Variants in GAREM1 observed in about 807,000 individuals in gnomAD.
GAREM1 encodes GRB2 associated regulator of MAPK1 subtype 1.
In GAREM1, 26 loss-of-function variants were observed where a neutral mutation model predicts 71.3. That is an observed-to-expected ratio of 0.36 (90% CI 0.27 to 0.51). The LOEUF is 0.51. Among genes scored for constraint, GAREM1 ranks in the 20% least tolerant of loss-of-function variants. GAREM1 has a pLI of 0.95. For missense variants in GAREM1, 1,026 were observed against 1,103.1 expected (o/e 0.93, Z 0.99); for synonymous variants, 440 against 433.2 (o/e 1.02, Z -0.20).
At chr18:32,372,082 C>T (rs1458859) in intron 2 of GAREM1, among the ~76,000 whole-genome samples, 152,335 of 152,342 alleles carry the variant, frequency 1, 76,164 homozygotes, top group Non-Finnish European at 1. Context: ...AAAGGTGGAT[C>T]GGATTGCTTT....
intron 2 of GAREM1, among the ~76,000 whole-genome samples, chr18:32,388,036 A>G (rs2048164849): frequency 6.6e-6 from 1 of 152,062 alleles, no homozygotes; most frequent in East Asian, 1.9e-4. Context: ...ACCAAAGGAG[A>G]ATACTGATTG....
intron 1 of GAREM1, among the ~76,000 whole-genome samples, chr18:32,399,129 G>A (rs2048286630): frequency 6.6e-6 from 1 of 152,152 alleles, no homozygotes; most frequent in Non-Finnish European, 1.5e-5. Context: ...AGCCCTTCAT[G>A]CTAAAAACTC....
intron 4 of GAREM1, among the ~76,000 whole-genome samples, chr18:32,275,204 C>T (rs75562717): frequency 0.024 from 3,608 of 152,228 alleles, 62 homozygotes; most frequent in African/African-American, 0.026. Flanking sequence ...AACTAGGAAG[C>T]GCTGTGGCTT....
At chr18:32,310,063 T>A (rs1251070670) in intron 3 of GAREM1, 130 bp downstream of exon 3, 5 of 904,366 alleles carry the variant, frequency 5.5e-6, no homozygotes, top group Non-Finnish European at 6.7e-6. Flanking sequence ...TGGTTTTGGC[T>A]ACTGCCACTA....
intron 3 of GAREM1, among the ~76,000 whole-genome samples, chr18:32,291,437 A>G (rs2047085520): frequency 6.6e-6 from 1 of 152,208 alleles, no homozygotes; most frequent in Middle Eastern, 3.4e-3. Flanking sequence ...ACCTTGCCAC[A>G]GAGTTTTGAC....
intron 1 of GAREM1, among the ~76,000 whole-genome samples, chr18:32,407,208 A>T (rs2048373642): frequency 6.6e-6 from 1 of 152,198 alleles, no homozygotes; most frequent in South Asian, 2.1e-4. Flanking sequence ...TGGAAAAACA[A>T]CCACAATAGA....
Position 32,393,022 on chromosome 18 carries a change from T to C in GAREM1, c.135A>G (p.Glu45=), listed in dbSNP as rs553684099. The C allele has an allele frequency of 6.6e-5, 107 of 1,613,566 alleles. No homozygotes were observed. The South Asian group carries it at 1.1e-3, about 17-fold the overall frequency. The part of the protein sequence containing the change: ...IARLDNGECV[E]GLRENDYLLI... ...GCAGATAGTCATTTTCCCGCAGCCC[T>C]TCTACGCACTCTCCTAGGAAATACA... Residue 45 remains glutamate (E), a synonymous_variant, in exon 2 of 6, where the codon GAA becomes GAG. Transcript: ENST00000269209.
chr18:32,423,256 T>A (rs1373875881), intron 1 of GAREM1, among the ~76,000 whole-genome samples: 2 of 152,196 alleles, frequency 1.3e-5, no homozygotes, highest in East Asian at 1.9e-4. Context: ...GAAACTGTTA[T>A]GAGGATTAAA....
At chr18:32,425,138 C>A (rs1219185625) in intron 1 of GAREM1, among the ~76,000 whole-genome samples, 1 of 152,158 alleles carries the variant, frequency 6.6e-6, no homozygotes, top group Non-Finnish European at 1.5e-5. Flanking sequence ...CTTAACTATT[C>A]CACTATAAAA....
At chr18:32,420,314 G>GT (rs1311764853) in intron 1 of GAREM1, among the ~76,000 whole-genome samples, 3 of 150,694 alleles carry the variant, frequency 2.0e-5, no homozygotes, top group African/African-American at 7.3e-5. Context: ...AAGTCTTTTT[G>GT]TTTTTTTGCC....
Position 32,268,449 on chromosome 18 carries a change from T to C in GAREM1, c.2053A>G (p.Thr685Ala), listed in dbSNP as rs772436707. 1 of 1,614,160 alleles carries C rather than the reference T, an allele frequency of 6.2e-7. No individual in the cohort carries two copies. Among genetic ancestry groups the C allele is most frequent in the South Asian group, 1.1e-5 (1 of 91,078 alleles). ...ELLASPTSPV[T>A]AEFSSSVSGC... ...GAGACGCTGCTACTGAATTCTGCAGTGACTGGGCTAGTGGGGCTGGCCAGG... is the reference window on the plus strand; with the variant it reads ...GAGACGCTGCTACTGAATTCTGCAGCGACTGGGCTAGTGGGGCTGGCCAGG... The change falls in exon 6 of 6, where the codon ACT (threonine) becomes GCT (alanine). Residue 685 changes from threonine to alanine, a missense_variant. By Grantham distance (58) the Thr-to-Ala change is moderately conservative. Coordinates refer to ENST00000269209, the MANE Select transcript of GAREM1 (RefSeq NM_001242409.2).
chr18:32,359,010 C>A (rs1042154698), intron 2 of GAREM1, among the ~76,000 whole-genome samples: 1 of 152,196 alleles, frequency 6.6e-6, no homozygotes, highest in South Asian at 2.1e-4. Context: ...ACTGGAAGAA[C>A]CCGTCAGCCA....
chr18:32,456,528 C>T (rs1003429514), intron 1 of GAREM1, among the ~76,000 whole-genome samples: 1 of 152,214 alleles, frequency 6.6e-6, no homozygotes, highest in Middle Eastern at 3.4e-3. Context: ...ATTCTGGCAG[C>T]ATCTATTAAA....
chr18:32,334,991 G>T (rs1051394548), intron 2 of GAREM1, among the ~76,000 whole-genome samples: 1 of 152,074 alleles, frequency 6.6e-6, no homozygotes, highest in African/African-American at 2.4e-5. Context: ...CGCTCTTTCC[G>T]CCCACTCCTT....
rs543511190 is a variant in GAREM1 at position 32,323,541 on chromosome 18, C to T, written c.263-13218G>A. Among the ~76,000 whole-genome samples the T allele has an allele frequency of 3.3e-5, 5 of 152,268 alleles. No homozygotes were observed. The South Asian group carries it at 8.3e-4, about 25-fold the overall frequency. ...AGGAGTTCGAGACCAGCCTGGCCAACATGGTGTGCTTAGCCAACTTAGCCA... is the reference window on the plus strand; with the variant it reads ...AGGAGTTCGAGACCAGCCTGGCCAATATGGTGTGCTTAGCCAACTTAGCCA... On this transcript the variant is annotated intron_variant, in intron 2 of 5. Coordinates refer to ENST00000269209, the MANE Select transcript of GAREM1 (RefSeq NM_001242409.2).
chr18:32,289,453 C>T (rs762988000), intron 3 of GAREM1, among the ~76,000 whole-genome samples: 1 of 151,978 alleles, frequency 6.6e-6, no homozygotes, highest in Non-Finnish European at 1.5e-5. Flanking sequence ...CAGTATTTAT[C>T]TAATTATTTA....
chr18:32,285,871 A>G (rs774975994), intron 4 of GAREM1, among the ~76,000 whole-genome samples: 1 of 152,192 alleles, frequency 6.6e-6, no homozygotes, highest in Non-Finnish European at 1.5e-5. Flanking sequence ...GCATAGCCCC[A>G]GGGTTCCAGA....
chr18:32,362,077 C>T (rs1287207294), intron 2 of GAREM1, among the ~76,000 whole-genome samples: 2 of 152,152 alleles, frequency 1.3e-5, no homozygotes, highest in Middle Eastern at 3.2e-3. Flanking sequence ...TGGGAAGCCA[C>T]AGAGGAACAA....
intron 3 of GAREM1, among the ~76,000 whole-genome samples, chr18:32,302,968 G>A (rs1419004746): frequency 6.6e-6 from 1 of 152,234 alleles, no homozygotes; most frequent in Non-Finnish European, 1.5e-5. Flanking sequence ...ATAGGCTGAT[G>A]ACAAGGCTGT....
Sources: allele counts gnomAD v4.1 joint callset (sites outside exome capture counted in the v4.1 genomes callset), GRCh38; gene constraint gnomAD v4.1.1; transcripts MANE v1.5; gene names NCBI Gene and HGNC (gene_info 2026-07-23, HGNC 2026-07-21).